CCDC127: variants seen among roughly 807,000 people sequenced by gnomAD.
The protein encoded by CCDC127 is coiled-coil domain-containing protein 127.
CCDC127 carries 2 observed loss-of-function variants against 4.1 expected under a neutral mutation model. The observed-to-expected ratio is 0.49, with a 90% confidence interval of 0.20 to 1.53. CCDC127 has a LOEUF of 1.53. CCDC127 is among the 40% of genes most tolerant of loss of function. The pLI is 0.23. For synonymous variants in CCDC127, 98 were observed against 120.4 expected, an observed-to-expected ratio of 0.81 and a Z score of 1.22; for missense variants, 271 against 322.9, an observed-to-expected ratio of 0.84 and a Z score of 1.23.
Position 216,001 on chromosome 5 carries a change from T to C in CCDC127, c.121+728A>G, listed in dbSNP as rs1406330945. The C allele has an allele frequency of 5.3e-5, 8 of 151,286 alleles. No homozygotes were observed. The East Asian group carries it at 1.5e-3, about 29-fold the overall frequency. The allele number at this position is 151,286 out of a possible 1,614,324, so 9.4% of individuals were successfully genotyped here. A position where few individuals can be genotyped will look rare whatever the true frequency, so the allele number is the denominator to read the frequency against. On this transcript the variant is annotated intron_variant, in intron 2 of 2. Transcript: ENST00000296824. The stretch of plus-strand genomic sequence containing the variant: ...CCAGGCCAAGCAGAGATTTCATGGA[T>C]GAAGTCTCCCAAAGACTGATTTCCT...
rs34629844 is a variant in CCDC127 at position 200,714 on chromosome 5, A to G, written c.*4583T>C. On this transcript the variant is annotated 3_prime_UTR_variant, in exon 3 of 3. Coordinates refer to ENST00000296824, the MANE Select transcript of CCDC127 (RefSeq NM_145265.3). ...TGCTTGCAAACAGAATCCTAAATTAATAGAGAAATACAGCAACTGTTTCGT... is the reference window on the plus strand; with the variant it reads ...TGCTTGCAAACAGAATCCTAAATTAGTAGAGAAATACAGCAACTGTTTCGT... 0.14 allele frequency: 20,559 copies of G among 152,252 alleles called. 1,487 individuals carry two copies. The highest frequency in any genetic ancestry group is 0.17 in the Admixed American group (2,629 of 15,294). The allele number at this position is 152,252 out of a possible 1,614,324, so 9.4% of individuals were successfully genotyped here. A position where few individuals can be genotyped will look rare whatever the true frequency, so the allele number is the denominator to read the frequency against.
intron 2 of CCDC127, among the ~76,000 whole-genome samples, chr5:206,272 C>T (rs1056423297): frequency 1.5e-5 from 2 of 137,316 alleles, no homozygotes; most frequent in African/African-American, 5.9e-5. Flanking sequence ...ATGTTTGGGT[C>T]GACTTCAACT....
At position 200,413 on chromosome 5, in the gene CCDC127, C is replaced by G. The variant is rs1275563941; in HGVS notation, c.*4884G>C. 1 of 152,304 alleles carries G rather than the reference C, an allele frequency of 6.6e-6. No individual in the cohort carries two copies. The highest frequency in any genetic ancestry group is 6.5e-5 in the Admixed American group (1 of 15,290). The allele number at this position is 152,304 out of a possible 1,614,324, so 9.4% of individuals were successfully genotyped here. ...GAGCCCAGCGCTTCCCTAACTCGGC[C>G]GCCCGCTGGAGCAGGCCAGGCAGGG... On this transcript the variant is annotated 3_prime_UTR_variant, in exon 3 of 3. Coordinates refer to ENST00000296824, the MANE Select transcript of CCDC127 (RefSeq NM_145265.3).
At chr5:209,781 G>A (rs1159779621) in intron 2 of CCDC127, among the ~76,000 whole-genome samples, 2 of 152,242 alleles carry the variant, frequency 1.3e-5, no homozygotes, top group Non-Finnish European at 2.9e-5. Context: ...CGGCCACGTG[G>A]GGATTGCTCC....
chr5:210,377 C>T (rs1734257763), intron 2 of CCDC127, among the ~76,000 whole-genome samples: 2 of 152,160 alleles, frequency 1.3e-5, no homozygotes, highest in African/African-American at 4.8e-5. Context: ...GGAGAGGATA[C>T]TTGCAAGCCA....
Position 200,373 on chromosome 5 carries a change from C to T in CCDC127, c.*4924G>A, listed in dbSNP as rs541148864. On this transcript the variant is annotated 3_prime_UTR_variant, in exon 3 of 3. Coordinates refer to ENST00000296824, the MANE Select transcript of CCDC127 (RefSeq NM_145265.3). ...CTTCATTGTTCCCACTCCTTTAGAA[C>T]ACCGCGGTATGGTGGAGCCCAGCGC... 2.6e-5 allele frequency: 4 copies of T among 152,406 alleles called. No individual in the cohort carries two copies. The highest frequency in any genetic ancestry group is 4.1e-4 in the South Asian group (2 of 4,834). 9.4% of individuals were successfully genotyped at this position (152,406 alleles called of 1,614,324 possible).
Position 196,940 on chromosome 5 carries a change from G to A in CCDC127, c.*8357C>T, listed in dbSNP as rs1311325266. On this transcript the variant is annotated 3_prime_UTR_variant, in exon 3 of 3. Coordinates refer to ENST00000296824, the MANE Select transcript of CCDC127 (RefSeq NM_145265.3). ...AGGACCTGCACTGGCACCGGCCTCT[G>A]AGTTCCCTCAGTTTTTATTATTATT... 1 of 93,580 alleles carries A rather than the reference G, an allele frequency of 1.1e-5. No homozygotes were observed. Among genetic ancestry groups the A allele is most frequent in the Non-Finnish European group, 2.6e-5 (1 of 39,034 alleles). The allele number at this position is 93,580 out of a possible 1,614,324, so 5.8% of individuals were successfully genotyped here.
Position 199,317 on chromosome 5 carries a change from T to C in CCDC127, c.*5980A>G, listed in dbSNP as rs768569393. The stretch of plus-strand genomic sequence containing the variant: ...TGGTGGACGTGGCCCCTCTGTGTGG[T>C]GGACGTGGCCCCTCTGTGTGGACGT... On this transcript the variant is annotated 3_prime_UTR_variant, in exon 3 of 3. Transcript: ENST00000296824. The C allele has an allele frequency of 6.3e-6, 1 of 159,968 alleles. No homozygotes were observed. Among genetic ancestry groups the C allele is most frequent in the Non-Finnish European group, 1.3e-5 (1 of 74,264 alleles). 9.9% of individuals were successfully genotyped at this position (159,968 alleles called of 1,614,324 possible).
chr5:206,043 G>A (rs1277121736), intron 2 of CCDC127, 85 bp from the exon 3 acceptor site: 20 of 1,260,606 alleles, frequency 1.6e-5, no homozygotes, highest in East Asian at 1.4e-4. Context: ...AGGCAGCTAA[G>A]GATAGTGTTT....
In CCDC127 at chr5:205,802, T is replaced by A; in HGVS notation, c.278A>T (p.Glu93Val). 1 of 1,614,216 alleles carries A rather than the reference T, an allele frequency of 6.2e-7. No homozygotes were observed. Among genetic ancestry groups the A allele is most frequent in the East Asian group, 2.2e-5 (1 of 44,890 alleles). ...RAVAQLSLEL[E>V]KEQNRTASYR... The stretch of plus-strand genomic sequence containing the variant: ...ACTAGCAGTTCTGTTTTGTTCCTTT[T>A]CGAGTTCCAAGGACAACTGAGCGAC... The change falls in exon 3 of 3, where the codon GAA becomes GTA. Residue 93 changes from glutamate to valine, a missense_variant. By Grantham distance (121) the Glu-to-Val change is moderately radical. Around this residue, in one of 2 missense-constraint regions of CCDC127, gnomAD observed 265 missense variants for 270.9 expected, o/e 0.98. Transcript: ENST00000296824.
chr5:206,100 G>A (rs1003586811), intron 2 of CCDC127, 142 bp from the exon 3 acceptor site: 15 of 759,122 alleles, frequency 2.0e-5, no homozygotes, highest in Non-Finnish European at 2.1e-5. Flanking sequence ...TCACTTCTAC[G>A]TGAAAATGTG....
chr5:205,906 G>A lies in CCDC127; in HGVS notation c.174C>T (p.Ala58=). ...GAAAAGCAGCAGTTCTCCGACGGTA[G>A]GCTTCTCTCTCTTTTTCTACTTCTT... ...SQKEVEKERE[A]YRRRTAAFQQ... The change falls in exon 3 of 3, where the codon GCC becomes GCT. Residue 58 remains alanine, a synonymous_variant. Coordinates refer to ENST00000296824, the MANE Select transcript of CCDC127 (RefSeq NM_145265.3). 6.2e-7 allele frequency: 1 copy of A among 1,614,050 alleles called. No individual in the cohort carries two copies. Among genetic ancestry groups the A allele is most frequent in the African/African-American group, 1.3e-5 (1 of 75,018 alleles).
In CCDC127 at chr5:205,843, T is replaced by C; in HGVS notation, c.237A>G (p.Ser79=). 5 of 1,614,226 alleles carry C rather than the reference T, an allele frequency of 3.1e-6. No homozygotes were observed. The highest frequency in any genetic ancestry group is 1.1e-5 in the South Asian group (1 of 91,090). ...ACTGAGCGACAGCACGCCGATTTTC[T>C]GAGATCATGGCGTGGTACTTGGCTT... The part of the protein sequence containing the change: ...DLEAKYHAMI[S]ENRRAVAQLS... The change falls in exon 3 of 3, where the codon TCA becomes TCG. Residue 79 remains serine (S), a synonymous_variant. Coordinates refer to ENST00000296824, the MANE Select transcript of CCDC127 (RefSeq NM_145265.3).
Position 202,292 on chromosome 5 carries a change from G to C in CCDC127, c.*3005C>G, listed in dbSNP as rs973481755. ...CGAACTAATATCAACCCTGTGGAAA[G>C]AGCATCTTCCGGCCAGGCACGGTGG... On this transcript the variant is annotated 3_prime_UTR_variant, in exon 3 of 3. Transcript: ENST00000296824. The C allele has an allele frequency of 2.0e-5, 3 of 152,316 alleles. No individual in the cohort carries two copies. Among genetic ancestry groups the C allele is most frequent in the African/African-American group, 7.2e-5 (3 of 41,478 alleles). 9.4% of individuals were successfully genotyped at this position (152,316 alleles called of 1,614,324 possible).
Position 205,354 on chromosome 5 carries a change from T to A in CCDC127, c.726A>T (p.Glu242Asp). The change falls in exon 3 of 3, where the codon GAA becomes GAT. Residue 242 changes from glutamate (E) to aspartate (D), a missense_variant. Glu to Asp is a conservative substitution (Grantham distance 45). Transcript: ENST00000296824. ...RLMWLYLKYW[E>D]LVVELKKFKR... Reference sequence around the variant, plus strand: ...TAAACTTCTTCAGTTCGACAACGAGTTCCCAGTATTTGAGATAGAGCCACA... The same window carrying A: ...TAAACTTCTTCAGTTCGACAACGAGATCCCAGTATTTGAGATAGAGCCACA... 1 of 1,614,004 alleles carries A rather than the reference T, an allele frequency of 6.2e-7. No individual in the cohort carries two copies. The highest frequency in any genetic ancestry group is 8.5e-7 in the Non-Finnish European group (1 of 1,179,936).
At chr5:213,708 G>A (rs1734322054) in intron 2 of CCDC127, among the ~76,000 whole-genome samples, 1 of 152,340 alleles carries the variant, frequency 6.6e-6, no homozygotes, top group South Asian at 2.1e-4. Flanking sequence ...ACCAAATACT[G>A]ACCAGGTGGA....
At position 197,151 on chromosome 5, in the gene CCDC127, T is replaced by A. The variant is rs1303910684; in HGVS notation, c.*8146A>T. The A allele has an allele frequency of 2.0e-5, 3 of 152,012 alleles. No homozygotes were observed. Among genetic ancestry groups the A allele is most frequent in the Admixed American group, 6.5e-5 (1 of 15,278 alleles). 9.4% of individuals were successfully genotyped at this position (152,012 alleles called of 1,614,324 possible). On this transcript the variant is annotated 3_prime_UTR_variant, in exon 3 of 3. Transcript: ENST00000296824. ...CCAAACATCTCAGCAGAGTAAAGAA[T>A]AACAAGGCAGCATTGCCGCAAACAT...
In CCDC127 at chr5:204,737, TTAAG is replaced by T. The variant is rs1560974170; in HGVS notation, c.*556_*559del. 6.6e-6 allele frequency: 1 copy of T among 152,204 alleles called. No individual in the cohort carries two copies. The highest frequency in any genetic ancestry group is 2.4e-5 in the African/African-American group (1 of 41,412). 9.4% of individuals were successfully genotyped at this position (152,204 alleles called of 1,614,324 possible). ...AACAACTGCATACAACAAACACACATTAAGTAACAACTGGATACAAGAAACACTT... is the reference window on the plus strand; with the variant it reads ...AACAACTGCATACAACAAACACACATTAACAACTGGATACAAGAAACACTT... On this transcript the variant is annotated 3_prime_UTR_variant, in exon 3 of 3. Transcript: ENST00000296824.
chr5:217,985 T>C lies in CCDC127; in HGVS notation c.-11+108A>G, dbSNP rs554531385. 1,052 of 630,166 alleles carry C rather than the reference T, an allele frequency of 1.7e-3. 2 individuals carry two copies. Among genetic ancestry groups the C allele is most frequent in the Non-Finnish European group, 2.0e-3 (980 of 487,348 alleles). The allele number at this position is 630,166 out of a possible 1,614,324, so 39.0% of individuals were successfully genotyped here. A position where few individuals can be genotyped will look rare whatever the true frequency, so the allele number is the denominator to read the frequency against. ...AGCGCCCCCCTCCGACCCCATTCCC[T>C]GCGGTCTGGGCGTTCAGGCCCTTCG... On this transcript the variant is annotated intron_variant, in intron 1 of 2. Transcript: ENST00000296824.
Sources: gnomAD v4.1 joint callset for allele counts (sites outside exome capture counted in the v4.1 genomes callset) on GRCh38, gnomAD v4.1.1 for gene constraint, gnomAD v4.1.1 regional missense constraint, MANE v1.5 for transcripts, NCBI Gene and HGNC (gene_info 2026-07-23, HGNC 2026-07-21) for gene names.